Variants in SRC observed in about 807,000 individuals in gnomAD.
SRC encodes proto-oncogene tyrosine-protein kinase Src.
In SRC, 13 loss-of-function variants were observed where a neutral mutation model predicts 62.9. That is an observed-to-expected ratio of 0.21 (90% CI 0.13 to 0.33). The LOEUF (loss-of-function observed/expected upper bound fraction) is 0.33. Among genes scored for constraint, SRC ranks in the 10% least tolerant of loss-of-function variants. The probability of loss-of-function intolerance (pLI) is 1.00; values close to 1 mark genes in which losing one functional copy is unlikely to be tolerated. For synonymous variants in SRC, 302 were observed against 317.5 expected (o/e 0.95, Z 0.52); for missense variants, 457 against 737.3 (o/e 0.62, Z 4.40).
At position 37,397,568 on chromosome 20, in the gene SRC, C is replaced by G. The variant is rs1313971677; in HGVS notation, c.704-131C>G. The G allele has an allele frequency of 1.8e-5, 23 of 1,288,102 alleles. No individual in the cohort carries two copies. The Admixed American group carries it at 2.8e-4, about 16-fold the overall frequency. 79.8% of individuals were successfully genotyped at this position (1,288,102 alleles called of 1,614,324 possible). ...GCTGTGTGCACACAGATGTAGATGC[C>G]TGGCTTTGAGGGCACCCTGCGTGTC... On this transcript the variant is annotated intron_variant, in intron 8 of 13. Coordinates refer to ENST00000373578, the MANE Select transcript of SRC (RefSeq NM_198291.3). This position sits in a 1 kb window ranked among gnomAD's most constrained non-coding sequence, Gnocchi z 4.1.
intron 2 of SRC, among the ~76,000 whole-genome samples, chr20:37,381,724 T>C (rs1363537043): frequency 2.0e-5 from 3 of 152,094 alleles, no homozygotes; most frequent in Non-Finnish European, 2.9e-5. Context: ...GGGCTGCAGG[T>C]AACCAGGTCA....
intron 2 of SRC, among the ~76,000 whole-genome samples, chr20:37,377,646 C>T (rs1020247243): frequency 2.0e-5 from 3 of 152,196 alleles, no homozygotes; most frequent in African/African-American, 7.2e-5. Flanking sequence ...GCTGCAGGGC[C>T]ATGTGGACCC....
At chr20:37,347,305 T>C (rs1321945923) in intron 1 of SRC, among the ~76,000 whole-genome samples, 1 of 152,226 alleles carries the variant, frequency 6.6e-6, no homozygotes, top group Non-Finnish European at 1.5e-5. Context: ...TGGGCCAGGC[T>C]GGTCCTGTTG....
chr20:37,345,192 C>G (rs1361738755), upstream of SRC, among the ~76,000 whole-genome samples: 1 of 152,136 alleles, frequency 6.6e-6, no homozygotes, highest in Non-Finnish European at 1.5e-5. Flanking sequence ...AAAGCTGGAC[C>G]CAGGCCCACC....
In SRC at chr20:37,362,921, G is replaced by T. The variant is rs957258398; in HGVS notation, c.-246-2283G>T. On this transcript the variant is annotated intron_variant, in intron 1 of 13. Coordinates refer to ENST00000373578, the MANE Select transcript of SRC (RefSeq NM_198291.3). ...CCCCCATTTTGCCGCTGAGGAAACT[G>T]AGGCTGCAGGACTGAAATTGACATA... 6.6e-5 allele frequency among the ~76,000 whole-genome samples: 10 copies of T among 152,308 alleles called. No homozygotes were observed. In the East Asian group the frequency reaches 1.9e-3, roughly 29 times the overall value.
At chr20:37,361,433 C>T (rs1359790040) in intron 1 of SRC, among the ~76,000 whole-genome samples, 1 of 152,108 alleles carries the variant, frequency 6.6e-6, no homozygotes, top group Non-Finnish European at 1.5e-5. Flanking sequence ...CAGGCTTGAA[C>T]GGGGCCAGGG....
At chr20:37,386,653 G>T (rs937637814) in intron 5 of SRC, among the ~76,000 whole-genome samples, 2 of 151,964 alleles carry the variant, frequency 1.3e-5, no homozygotes, top group Non-Finnish European at 2.9e-5. Flanking sequence ...GGACCTTAAC[G>T]CAGGCTGCGA....
In SRC at chr20:37,401,298, C is replaced by A. The variant is rs867715750; in HGVS notation, c.1040-304C>A. On this transcript the variant is annotated intron_variant, in intron 10 of 13. Transcript: ENST00000373578. ...GATTGCAGGCAGGAGCCACTGCTCCCGGCCTGAGATGCATCCTTGTTGCAT... is the reference window on the plus strand; with the variant it reads ...GATTGCAGGCAGGAGCCACTGCTCCAGGCCTGAGATGCATCCTTGTTGCAT... Among the ~76,000 whole-genome samples, 11 of 152,212 alleles carry A rather than the reference C, an allele frequency of 7.2e-5. 1 individual carries two copies. The Middle Eastern group carries it at 0.02, about 282-fold the overall frequency.
At chr20:37,365,888 T>A (rs1011614565) in intron 2 of SRC, among the ~76,000 whole-genome samples, 8 of 144,456 alleles carry the variant, frequency 5.5e-5, no homozygotes, top group African/African-American at 2.0e-4. Context: ...CTGGCCAGAA[T>A]TTTTTTTTTT....
chr20:37,383,548 G>A (rs946713130), intron 3 of SRC: 1 of 152,534 alleles, frequency 6.6e-6, no homozygotes, highest in Non-Finnish European at 1.5e-5. Context: ...TGACTCAGGG[G>A]GAGGTGGGTG....
intron 1 of SRC, among the ~76,000 whole-genome samples, chr20:37,357,288 T>C (rs2069897212): frequency 6.6e-6 from 1 of 152,218 alleles, no homozygotes; most frequent in Non-Finnish European, 1.5e-5. Context: ...GAGGACAGGC[T>C]GGGCTGGCTA....
At chr20:37,392,527 A>G (rs900142172) in intron 5 of SRC, among the ~76,000 whole-genome samples, 1 of 152,154 alleles carries the variant, frequency 6.6e-6, no homozygotes, top group South Asian at 2.1e-4. Flanking sequence ...GTGTCTTCTC[A>G]GGGTCCTGGT....
rs2070747937 is a variant in SRC, at chr20:37,402,212, C to G, written c.1117-223C>G. ...TCGGATCTCGTGCCTCCCCTTTGACCTTTGCCTTCTGCCCTCTGCTCTGTG... is the reference window on the plus strand; with the variant it reads ...TCGGATCTCGTGCCTCCCCTTTGACGTTTGCCTTCTGCCCTCTGCTCTGTG... On this transcript the variant is annotated intron_variant, in intron 11 of 13. Coordinates refer to ENST00000373578, the MANE Select transcript of SRC (RefSeq NM_198291.3). This position sits in a 1 kb window ranked among gnomAD's most constrained non-coding sequence, Gnocchi z 6.2. 1.9e-6 allele frequency: 1 copy of G among 520,982 alleles called. No individual in the cohort carries two copies. The highest frequency in any genetic ancestry group is 3.3e-6 in the Non-Finnish European group (1 of 299,638). The allele number at this position is 520,982 out of a possible 1,614,324, so 32.3% of individuals were successfully genotyped here.
intron 1 of SRC, among the ~76,000 whole-genome samples, chr20:37,363,048 C>A (rs147561260): frequency 0.013 from 1,994 of 152,296 alleles, 27 homozygotes; most frequent in Middle Eastern, 0.048. Flanking sequence ...AACCGCCTAG[C>A]CTTTGGGCCT....
intron 5 of SRC, chr20:37,386,577 G>T: frequency 1.4e-6 from 1 of 689,692 alleles, no homozygotes; most frequent in Non-Finnish European, 2.7e-6. Context: ...GTGATCTCTG[G>T]CTCTCTTGGC....
At chr20:37,400,647 G>T (rs1258065749) in intron 10 of SRC, among the ~76,000 whole-genome samples, 2 of 152,048 alleles carry the variant, frequency 1.3e-5, no homozygotes, top group African/African-American at 2.4e-5. Flanking sequence ...CTCCCAAAGT[G>T]CTGGGATTAC....
chr20:37,345,707 A>G (rs1418197718), upstream of SRC, among the ~76,000 whole-genome samples: 1 of 151,954 alleles, frequency 6.6e-6, no homozygotes, highest in Admixed American at 6.5e-5. Context: ...CCTGAAGTCG[A>G]CCTGAGCAGC....
rs2070641854 is a variant in SRC, at chr20:37,396,109, G to A, written c.554-53G>A. Reference sequence around the variant, plus strand: ...GGCACAGAACGGTGTCCAGAGCAGCGGCCTGCGGGGGGAGAGGGCATGGCG... The same window carrying A: ...GGCACAGAACGGTGTCCAGAGCAGCAGCCTGCGGGGGGAGAGGGCATGGCG... On this transcript the variant is annotated intron_variant, in intron 7 of 13. Transcript: ENST00000373578. The surrounding 1 kb of genome is among the most constrained non-coding windows in gnomAD (Gnocchi z 6.1). 4 of 1,593,690 alleles carry A rather than the reference G, an allele frequency of 2.5e-6. No individual in the cohort carries two copies. The highest frequency in any genetic ancestry group is 1.3e-5 in the African/African-American group (1 of 74,784).
chr20:37,373,233 T>G (rs533705336), intron 2 of SRC, among the ~76,000 whole-genome samples: 52 of 137,514 alleles, frequency 3.8e-4, no homozygotes, highest in African/African-American at 1.5e-3. Context: ...CGTACACACA[T>G]GCACATATGT....
Sources: gnomAD v4.1 joint callset for allele counts (sites outside exome capture counted in the v4.1 genomes callset) on GRCh38, gnomAD v4.1.1 for gene constraint, Gnocchi (gnomAD v3.1) non-coding constraint, MANE v1.5 for transcripts, NCBI Gene and HGNC (gene_info 2026-07-23, HGNC 2026-07-21) for gene names.